Variants in MCF2L2 observed in about 807,000 individuals in gnomAD.
The protein encoded by MCF2L2 is probable guanine nucleotide exchange factor MCF2L2.
A neutral mutation model predicts 150.2 loss-of-function variants in MCF2L2; 102 were observed. The ratio of observed to expected loss-of-function variants is 0.68; its 90% confidence interval spans 0.58 to 0.80. The LOEUF (loss-of-function observed/expected upper bound fraction) is 0.80, where lower values mean the gene tolerates loss of function less well. MCF2L2 is among the 30% of genes least tolerant of loss of function. The probability of loss-of-function intolerance (pLI) is 0.00; values close to 1 mark genes in which losing one functional copy is unlikely to be tolerated. For synonymous variants in MCF2L2, 465 were observed against 491.3 expected (o/e 0.95, Z 0.71); for missense variants, 1,256 against 1,372.8 (o/e 0.91, Z 1.34).
chr3:183,231,800 A>G (rs1211488554), intron 15 of MCF2L2, among the ~76,000 whole-genome samples: 1 of 152,134 alleles, frequency 6.6e-6, no homozygotes. Context: ...TTTGTTGTAC[A>G]TGGGGTTAGA....
chr3:183,278,212 T>TA lies in MCF2L2; in HGVS notation c.1777-1256_1777-1255insT, dbSNP rs1560398605. On this transcript the variant is annotated intron_variant, in intron 14 of 29. Coordinates refer to ENST00000328913, the MANE Select transcript of MCF2L2 (RefSeq NM_015078.4). ...AGAAAAAATATATATATATATATAT[T>TA]TTTTATTATATTGTTTATTAAACAA... 4.3e-3 allele frequency among the ~76,000 whole-genome samples: 641 copies of TA among 147,866 alleles called. 2 individuals carry two copies. The highest frequency in any genetic ancestry group is 0.015 in the African/African-American group (607 of 39,596).
chr3:183,202,148 A>G (rs1346947584), intron 25 of MCF2L2, among the ~76,000 whole-genome samples: 1 of 152,186 alleles, frequency 6.6e-6, no homozygotes, highest in African/African-American at 2.4e-5. Context: ...AATTATCATT[A>G]TTTGATCTGT....
intron 20 of MCF2L2, among the ~76,000 whole-genome samples, chr3:183,221,191 C>T (rs1212940528): frequency 6.6e-6 from 1 of 152,220 alleles, no homozygotes; most frequent in African/African-American, 2.4e-5. Flanking sequence ...GCTGTGGGGA[C>T]ACTGCTCTGG....
chr3:183,405,245 T>C (rs1360143030), intron 1 of MCF2L2, among the ~76,000 whole-genome samples: 3 of 152,226 alleles, frequency 2.0e-5, no homozygotes, highest in Non-Finnish European at 4.4e-5. Context: ...AATGGGATTA[T>C]AGACTTTCTT....
Position 183,178,532 on chromosome 3 carries a change from TAAAAC to T in MCF2L2, c.*843_*847del, listed in dbSNP as rs1026477587. 1.3e-5 allele frequency: 2 copies of T among 151,456 alleles called. No individual in the cohort carries two copies. Among genetic ancestry groups the T allele is most frequent in the African/African-American group, 2.5e-5 (1 of 40,792 alleles). 9.4% of individuals were successfully genotyped at this position (151,456 alleles called of 1,614,324 possible). A position where few individuals can be genotyped will look rare whatever the true frequency, so the allele number is the denominator to read the frequency against. On this transcript the variant is annotated 3_prime_UTR_variant, in exon 30 of 30. Transcript: ENST00000328913. ...AATTAATTTGAACATCTGTAACTCC[TAAAAC>T]AAAACAACTACATATAAATAACTGA... is the stretch of plus-strand genomic sequence containing the variant.
intron 14 of MCF2L2, chr3:183,287,359 C>T (rs9851109): frequency 0.18 from 26,922 of 151,132 alleles, 2,791 homozygotes; most frequent in East Asian, 0.46. Flanking sequence ...GTTCACATCA[C>T]GGCGTGAGTC....
intron 10 of MCF2L2, among the ~76,000 whole-genome samples, chr3:183,307,266 T>TTG (rs960793793): frequency 3.0e-4 from 46 of 152,342 alleles, no homozygotes; most frequent in Admixed American, 1.4e-3. Context: ...AGACACAGTC[T>TTG]TGTTCCTTTA....
intron 5 of MCF2L2, among the ~76,000 whole-genome samples, chr3:183,326,484 C>A (rs1730033090): frequency 2.7e-5 from 3 of 109,434 alleles, no homozygotes; most frequent in African/African-American, 4.0e-5. Context: ...GAGAGTGAAA[C>A]TCCGTCTCAA....
At chr3:183,323,640 A>T (rs1017641060) in intron 5 of MCF2L2, among the ~76,000 whole-genome samples, 3 of 151,692 alleles carry the variant, frequency 2.0e-5, no homozygotes, top group African/African-American at 4.8e-5. Flanking sequence ...AAAAAAATAA[A>T]AAAAAAAATT....
At chr3:183,223,577 G>A in intron 19 of MCF2L2, 139 bp from the exon 20 acceptor site, 1 of 640,236 alleles carries the variant, frequency 1.6e-6, no homozygotes, top group South Asian at 1.8e-5. Flanking sequence ...CCATAAGGCT[G>A]TGGGGTTGTT....
chr3:183,335,777 C>G (rs891816930), intron 5 of MCF2L2, among the ~76,000 whole-genome samples: 1 of 152,090 alleles, frequency 6.6e-6, no homozygotes, highest in South Asian at 2.1e-4. Flanking sequence ...GATGATCGCT[C>G]AAGCCCAGAA....
intron 4 of MCF2L2, among the ~76,000 whole-genome samples, chr3:183,340,110 T>C (rs1730638113): frequency 6.6e-6 from 1 of 152,150 alleles, no homozygotes; most frequent in African/African-American, 2.4e-5. Context: ...AAACAATCCA[T>C]GCGGCAATGG....
chr3:183,269,804 A>T, intron 15 of MCF2L2: 1 of 1,602,610 alleles, frequency 6.2e-7, no homozygotes, highest in Non-Finnish European at 8.5e-7. Context: ...TGGATATGAG[A>T]ATGTTGGTTA....
chr3:183,339,099 C>A (rs1378165972), intron 4 of MCF2L2, among the ~76,000 whole-genome samples, 180 bp from the exon 5 acceptor site: 1 of 152,082 alleles, frequency 6.6e-6, no homozygotes. Context: ...GTCAGATAAT[C>A]CTAACCCCTC....
intron 5 of MCF2L2, among the ~76,000 whole-genome samples, chr3:183,331,668 G>A (rs1246941714): frequency 1.3e-5 from 2 of 152,110 alleles, no homozygotes; most frequent in African/African-American, 4.8e-5. Flanking sequence ...CACATTAACA[G>A]TTTTATGAGG....
Position 183,270,351 on chromosome 3 carries a change from C to T in MCF2L2, c.1862+6521G>A. The T allele has an allele frequency of 6.2e-7, 1 of 1,614,116 alleles. No homozygotes were observed. The highest frequency in any genetic ancestry group is 8.5e-7 in the Non-Finnish European group (1 of 1,179,970). The stretch of plus-strand genomic sequence containing the variant: ...CAGTTGGGCAAATACCTATTGTCCA[C>T]ATGCCAAATTTCTTATGACTGCTGA... On this transcript the variant is annotated intron_variant, in intron 15 of 29. Transcript: ENST00000328913. The surrounding 1 kb of genome is among the most constrained non-coding windows in gnomAD (Gnocchi z 4.5).
At chr3:183,264,854 G>A (rs1477855546) in intron 15 of MCF2L2, among the ~76,000 whole-genome samples, 2 of 152,154 alleles carry the variant, frequency 1.3e-5, no homozygotes, top group African/African-American at 4.8e-5. Context: ...GAGTAACTGA[G>A]GGGCACGGCT....
chr3:183,331,153 T>C (rs989530712), intron 5 of MCF2L2, among the ~76,000 whole-genome samples: 5 of 152,166 alleles, frequency 3.3e-5, no homozygotes, highest in Middle Eastern at 3.2e-3. Context: ...CCAGGTGCCA[T>C]GTAACAAAGA....
chr3:183,268,264 G>A (rs1349769850), intron 15 of MCF2L2, among the ~76,000 whole-genome samples: 1 of 152,178 alleles, frequency 6.6e-6, no homozygotes, highest in Non-Finnish European at 1.5e-5. Context: ...AGGGTCCTGT[G>A]GGCCAGGCTG....
Sources: gnomAD v4.1 joint callset for allele counts (sites outside exome capture counted in the v4.1 genomes callset) on GRCh38, gnomAD v4.1.1 for gene constraint, Gnocchi (gnomAD v3.1) non-coding constraint, MANE v1.5 for transcripts, NCBI Gene and HGNC (gene_info 2026-07-23, HGNC 2026-07-21) for gene names.